Variants in VTI1A observed in about 807,000 individuals in gnomAD.
VTI1A encodes the protein vesicle transport through interaction with t-SNAREs 1A.
A neutral mutation model predicts 34.9 loss-of-function variants in VTI1A; 22 were observed. The ratio of observed to expected loss-of-function variants is 0.63; its 90% CI spans 0.45 to 0.90. The LOEUF (loss-of-function observed/expected upper bound fraction) is 0.90. VTI1A is among the 40% of genes least tolerant of loss of function. The pLI, the probability that VTI1A is intolerant of heterozygous loss-of-function variation, is 0.00. For missense variants in VTI1A, 268 were observed against 275.6 expected, an observed-to-expected ratio of 0.97 and a Z score of 0.20; for synonymous variants, 87 against 97.3, an observed-to-expected ratio of 0.89 and a Z score of 0.62.
intron 5 of VTI1A, among the ~76,000 whole-genome samples, chr10:112,665,856 C>T (rs1847623601): frequency 6.6e-6 from 1 of 152,066 alleles, no homozygotes; most frequent in African/African-American, 2.4e-5. Context: ...ATGATACTGG[C>T]CACAGACACA....
intron 5 of VTI1A, among the ~76,000 whole-genome samples, chr10:112,657,848 CAG>C (rs1341919303): frequency 6.6e-6 from 1 of 151,696 alleles, no homozygotes; most frequent in Non-Finnish European, 1.5e-5. Context: ...TGCCTTAAAA[CAG>C]AACAACAAAA....
chr10:112,582,983 C>T (rs1287276153), intron 5 of VTI1A, among the ~76,000 whole-genome samples: 5 of 152,058 alleles, frequency 3.3e-5, no homozygotes, highest in Non-Finnish European at 1.5e-5. Flanking sequence ...AAGGGAGGCA[C>T]GTTTGCTGAT....
chr10:112,741,515 A>G (rs1022166410), intron 7 of VTI1A, among the ~76,000 whole-genome samples: 2 of 152,184 alleles, frequency 1.3e-5, no homozygotes, highest in African/African-American at 4.8e-5. Context: ...TAAAATTGAT[A>G]TTGATGATGA....
At chr10:112,462,895 T>TA (rs1322678945) in intron 2 of VTI1A, among the ~76,000 whole-genome samples, 240 of 140,358 alleles carry the variant, frequency 1.7e-3, no homozygotes, top group South Asian at 6.4e-3. Flanking sequence ...TTGTTACTGG[T>TA]TTTTATTTAT....
chr10:112,604,617 T>A (rs1222445452), intron 5 of VTI1A, among the ~76,000 whole-genome samples: 1 of 152,238 alleles, frequency 6.6e-6, no homozygotes, highest in Admixed American at 6.5e-5. Flanking sequence ...TCTCTGGTTC[T>A]ACACATCACC....
intron 7 of VTI1A, among the ~76,000 whole-genome samples, chr10:112,680,588 AT>A (rs1246824428): frequency 6.6e-6 from 1 of 152,226 alleles, no homozygotes; most frequent in Admixed American, 6.5e-5. Context: ...GTCACTGGAG[AT>A]TCAACAAATT....
intron 7 of VTI1A, among the ~76,000 whole-genome samples, chr10:112,775,043 C>T (rs1048792049): frequency 6.6e-6 from 1 of 152,214 alleles, no homozygotes; most frequent in Non-Finnish European, 1.5e-5. Context: ...CCCTAATAGA[C>T]TCTCACTGAA....
At chr10:112,517,934 G>A (rs1849847992) in intron 3 of VTI1A, among the ~76,000 whole-genome samples, 1 of 152,034 alleles carries the variant, frequency 6.6e-6, no homozygotes, top group Non-Finnish European at 1.5e-5. Flanking sequence ...CTGAAAAAAA[G>A]GATGACTTTA....
intron 3 of VTI1A, among the ~76,000 whole-genome samples, chr10:112,494,418 C>G (rs1292120120): frequency 2.0e-5 from 3 of 151,966 alleles, no homozygotes; most frequent in African/African-American, 7.3e-5. Flanking sequence ...TTTCTACCTA[C>G]TCCAGGTTTC....
chr10:112,483,992 T>C (rs1400828342), intron 3 of VTI1A, among the ~76,000 whole-genome samples: 1 of 152,258 alleles, frequency 6.6e-6, no homozygotes, highest in South Asian at 2.1e-4. Context: ...TGCTCCGTTA[T>C]AGCATTTATA....
intron 5 of VTI1A, among the ~76,000 whole-genome samples, chr10:112,665,142 C>T (rs1847595677): frequency 6.6e-6 from 1 of 152,134 alleles, no homozygotes; most frequent in Non-Finnish European, 1.5e-5. Flanking sequence ...TGAATGCTTA[C>T]ATCTTCAGTT....
intron 5 of VTI1A, among the ~76,000 whole-genome samples, chr10:112,645,869 C>A (rs2133789398): frequency 6.6e-6 from 1 of 150,802 alleles, no homozygotes; most frequent in East Asian, 1.9e-4. Flanking sequence ...ATTTATCCAT[C>A]TATCCATCCA....
chr10:112,666,957 G>A (rs1847662983), intron 5 of VTI1A, among the ~76,000 whole-genome samples: 1 of 152,070 alleles, frequency 6.6e-6, no homozygotes, highest in Non-Finnish European at 1.5e-5. Context: ...CTGAGGCACA[G>A]TGAAGTTAGC....
intron 3 of VTI1A, among the ~76,000 whole-genome samples, chr10:112,509,943 C>A (rs1849551686): frequency 6.6e-6 from 1 of 152,216 alleles, no homozygotes; most frequent in Non-Finnish European, 1.5e-5. Context: ...AGCAAGGCAC[C>A]CTAAAGGACC....
chr10:112,690,818 A>G (rs538567962), intron 7 of VTI1A, among the ~76,000 whole-genome samples: 1 of 152,318 alleles, frequency 6.6e-6, no homozygotes, highest in African/African-American at 2.4e-5. Context: ...TATCCATGCA[A>G]TAGCCCCATG....
At chr10:112,563,963 A>G (rs1851816445) in intron 5 of VTI1A, among the ~76,000 whole-genome samples, 1 of 152,216 alleles carries the variant, frequency 6.6e-6, no homozygotes, top group African/African-American at 2.4e-5. Flanking sequence ...GTAAATTGAC[A>G]GTGCATTTAA....
chr10:112,571,802 A>G (rs1260296550), intron 5 of VTI1A, among the ~76,000 whole-genome samples: 6 of 152,208 alleles, frequency 3.9e-5, no homozygotes, highest in African/African-American at 1.4e-4. Flanking sequence ...GGAATATTAC[A>G]TAGCCATAAA....
At chr10:112,738,599 T>C (rs146918815) in intron 7 of VTI1A, among the ~76,000 whole-genome samples, 1 of 152,198 alleles carries the variant, frequency 6.6e-6, no homozygotes, top group African/African-American at 2.4e-5. Flanking sequence ...CATGTAAAGT[T>C]CAGTGTAAAA....
intron 7 of VTI1A, among the ~76,000 whole-genome samples, chr10:112,748,063 C>T (rs1204969344): frequency 6.6e-6 from 1 of 151,950 alleles, no homozygotes; most frequent in Non-Finnish European, 1.5e-5. Flanking sequence ...GAAACTGAGG[C>T]CCAGGTAGAG....
Sources: allele counts gnomAD v4.1 joint callset (sites outside exome capture counted in the v4.1 genomes callset), GRCh38; gene constraint gnomAD v4.1.1; transcripts MANE v1.5; gene names NCBI Gene and HGNC (gene_info 2026-07-23, HGNC 2026-07-21).